Variants in ZNF347 observed in about 807,000 individuals in gnomAD.
The protein encoded by ZNF347 is CTD-2620I22.7.
In ZNF347, 19 loss-of-function variants were observed where a neutral mutation model predicts 12.9. The ratio of observed to expected loss-of-function variants is 1.47; its 90% confidence interval spans 1.03 to 2.16. ZNF347 has a LOEUF of 2.16. ZNF347 is among the 30% of genes most tolerant of loss of function. The pLI is 0.00. For synonymous variants in ZNF347, 328 were observed against 340.6 expected (o/e 0.96, Z 0.41); for missense variants, 1,005 against 990.6 (o/e 1.01, Z -0.19).
intron 2 of ZNF347, 61 bp downstream of exon 2, chr19:53,153,672 A>G: frequency 6.3e-7 from 1 of 1,596,474 alleles, no homozygotes; most frequent in Non-Finnish European, 8.6e-7. Flanking sequence ...TCCCAACTTC[A>G]AAGAATGACA....
chr19:53,153,593 G>T, intron 2 of ZNF347, 140 bp downstream of exon 2: 1 of 1,447,046 alleles, frequency 6.9e-7, no homozygotes, highest in East Asian at 2.3e-5. Context: ...GAGATGAGAG[G>T]GACTGAGGGA....
rs2090513903 is a variant in ZNF347, at chr19:53,153,741, G to C, written c.7C>G (p.Leu3Val). The change falls in exon 2 of 5, where the codon CTC (leucine) becomes GTC (valine). Residue 3 changes from leucine (L) to valine (V), a missense_variant. By Grantham distance (32) the Leu-to-Val change is conservative. Transcript: ENST00000334197. ...TGATAATATTACCTTACCTGGGTGA[G>C]AGCCATGCCTGACTTGTCTTTCTTT... is the stretch of plus-strand genomic sequence containing the variant. MA[L>V]TQGQVTFRDV... 2.5e-6 allele frequency: 4 copies of C among 1,613,990 alleles called. No individual in the cohort carries two copies. Among genetic ancestry groups the C allele is most frequent in the Non-Finnish European group, 1.7e-6 (2 of 1,179,850 alleles).
At chr19:53,155,084 C>T (rs893611592) in intron 1 of ZNF347, among the ~76,000 whole-genome samples, 5 of 151,838 alleles carry the variant, frequency 3.3e-5, no homozygotes, top group African/African-American at 9.7e-5. Flanking sequence ...ATCACAGGCG[C>T]GTGCCACTAT....
chr19:53,151,102 A>G lies in ZNF347; in HGVS notation c.16-1735T>C, dbSNP rs571316944. ...TTGTATATGAATATGATAGCCCATGAGAGAAAGATCTGTTCCCATCTTACT... is the reference window on the plus strand; with the variant it reads ...TTGTATATGAATATGATAGCCCATGGGAGAAAGATCTGTTCCCATCTTACT... On this transcript the variant is annotated intron_variant, in intron 2 of 4. Coordinates refer to ENST00000334197, the MANE Select transcript of ZNF347 (RefSeq NM_032584.3). Among the ~76,000 whole-genome samples, 4 of 152,340 alleles carry G rather than the reference A, an allele frequency of 2.6e-5. No individual in the cohort carries two copies. In the South Asian group the frequency reaches 6.2e-4, roughly 24 times the overall value.
chr19:53,154,552 C>G (rs1244501700), intron 1 of ZNF347, among the ~76,000 whole-genome samples: 1 of 152,000 alleles, frequency 6.6e-6, no homozygotes. Flanking sequence ...ACAGAAAGTT[C>G]TGGAGACACA....
intron 1 of ZNF347, among the ~76,000 whole-genome samples, chr19:53,155,472 G>A (rs1049725938): frequency 2.0e-5 from 3 of 151,448 alleles, no homozygotes; most frequent in African/African-American, 4.9e-5. Flanking sequence ...AGCTGGGAGC[G>A]CAGGTGCAAG....
At chr19:53,150,583 T>C (rs1012062924) in intron 2 of ZNF347, among the ~76,000 whole-genome samples, 8 of 152,186 alleles carry the variant, frequency 5.3e-5, no homozygotes, top group African/African-American at 1.9e-4. Flanking sequence ...ATTCAGTATT[T>C]AGATGATCTA....
intron 2 of ZNF347, among the ~76,000 whole-genome samples, chr19:53,150,900 C>T (rs774052484): frequency 3.3e-5 from 5 of 152,082 alleles, no homozygotes; most frequent in South Asian, 2.1e-4. Context: ...CCACCACACC[C>T]GGCTAATTTT....
In ZNF347 at chr19:53,138,900, G is replaced by A. The variant is rs2090401914; in HGVS notation, c.*1408C>T. 6.6e-6 allele frequency: 1 copy of A among 151,992 alleles called. No individual in the cohort carries two copies. The highest frequency in any genetic ancestry group is 2.1e-4 in the South Asian group (1 of 4,812). The allele number at this position is 151,992 out of a possible 1,614,324, so 9.4% of individuals were successfully genotyped here. A position where few individuals can be genotyped will look rare whatever the true frequency, so the allele number is the denominator to read the frequency against. ...AAAATGTAATTCCAGCAATTAGTGT[G>A]AATTCTACTAAAAACAAAACAAAAC... On this transcript the variant is annotated 3_prime_UTR_variant, in exon 5 of 5. Coordinates refer to ENST00000334197, the MANE Select transcript of ZNF347 (RefSeq NM_032584.3).
chr19:53,156,588 CTTCT>C (rs1487180040), intron 1 of ZNF347, among the ~76,000 whole-genome samples: 1 of 152,136 alleles, frequency 6.6e-6, no homozygotes, highest in Admixed American at 6.5e-5. Flanking sequence ...ACAGCTCTTC[CTTCT>C]GACTGTTCAT....
intron 4 of ZNF347, among the ~76,000 whole-genome samples, chr19:53,143,299 T>C (rs1026011473): frequency 1.3e-5 from 2 of 151,718 alleles, no homozygotes; most frequent in Non-Finnish European, 2.9e-5. Context: ...CATATGTATA[T>C]ATGTGCCATG....
intron 2 of ZNF347, among the ~76,000 whole-genome samples, chr19:53,153,401 A>G (rs1307663636): frequency 1.3e-5 from 2 of 152,204 alleles, no homozygotes; most frequent in Non-Finnish European, 2.9e-5. Context: ...CCTGCTCCAC[A>G]GAGAGCTGAC....
chr19:53,147,562 A>AAAT (rs59684814), intron 4 of ZNF347, among the ~76,000 whole-genome samples: 2,695 of 151,216 alleles, frequency 0.018, 67 homozygotes, highest in African/African-American at 0.057. Flanking sequence ...AGACTATCTC[A>AAAT]AATAATAATA....
chr19:53,144,435 C>T lies in ZNF347; in HGVS notation c.272-1879G>A, dbSNP rs75673141. On this transcript the variant is annotated intron_variant, in intron 4 of 4. Transcript: ENST00000334197. ...AGCAAAAGGACATAATAAATAAGTACACACCCAAATATGTAAAGCTAATGT... is the reference window on the plus strand; with the variant it reads ...AGCAAAAGGACATAATAAATAAGTATACACCCAAATATGTAAAGCTAATGT... Among the ~76,000 whole-genome samples, 980 of 152,112 alleles carry T rather than the reference C, an allele frequency of 6.4e-3. 5 individuals carry two copies. The highest frequency in any genetic ancestry group is 0.014 in the Middle Eastern group (4 of 294).
intron 1 of ZNF347, among the ~76,000 whole-genome samples, chr19:53,155,388 G>C (rs1403133885): frequency 6.6e-6 from 1 of 151,818 alleles, no homozygotes; most frequent in Non-Finnish European, 1.5e-5. Context: ...GCTAGAGTGT[G>C]ACAGCATGAA....
At position 53,142,074 on chromosome 19, in the gene ZNF347, GC is replaced by G; in HGVS notation, c.753del (p.Gln252LysfsTer53). 1 of 1,612,388 alleles carries G rather than the reference GC, an allele frequency of 6.2e-7. No individual in the cohort carries two copies. On this transcript the variant is annotated frameshift_variant, in exon 5 of 5. Transcript: ENST00000334197. LOFTEE classifies it low-confidence loss of function (END_TRUNC). ...GGGCTTCCCCAATTATTTGCTTTTT[GC>G]CCCTGTGTGAGTAATAAAGAAGAGA... ...DFISSLLLTQ[G>X]QKANNWGSPY...
At chr19:53,156,057 G>GCGGC (rs1383973624) in intron 1 of ZNF347, among the ~76,000 whole-genome samples, 1 of 132,648 alleles carries the variant, frequency 7.5e-6, no homozygotes, top group African/African-American at 2.9e-5. Context: ...GGGGGGGGGG[G>GCGGC]GGGTTAGGCG....
chr19:53,144,631 T>C (rs1424173527), intron 4 of ZNF347, among the ~76,000 whole-genome samples: 10 of 152,254 alleles, frequency 6.6e-5, no homozygotes, highest in Admixed American at 3.9e-4. Flanking sequence ...TAAATTTTTT[T>C]TCTATTTTAA....
chr19:53,150,884 C>T (rs2090492989), intron 2 of ZNF347, among the ~76,000 whole-genome samples: 1 of 152,132 alleles, frequency 6.6e-6, no homozygotes, highest in Admixed American at 6.6e-5. Context: ...GAATTACAAG[C>T]ACCCACCACC....
Sources: allele counts gnomAD v4.1 joint callset (sites outside exome capture counted in the v4.1 genomes callset), GRCh38; gene constraint gnomAD v4.1.1; transcripts MANE v1.5; gene names NCBI Gene and HGNC (gene_info 2026-07-23, HGNC 2026-07-21).